RAPGEF5: variants seen among roughly 807,000 people sequenced by gnomAD.
RAPGEF5 encodes M-Ras-regulated GEF.
A neutral mutation model predicts 125.2 loss-of-function variants in RAPGEF5; 65 were observed. That is an observed-to-expected ratio of 0.52 (90% CI 0.43 to 0.64). The LOEUF (loss-of-function observed/expected upper bound fraction) is 0.64, where lower values mean the gene tolerates loss of function less well. Ranked by LOEUF, RAPGEF5 falls within the 30% of genes least tolerant of loss-of-function variation. The pLI, the probability that RAPGEF5 is intolerant of heterozygous loss-of-function variation, is 0.00. For missense variants in RAPGEF5, 958 were observed against 1,048.1 expected (o/e 0.91, Z 1.19); for synonymous variants, 391 against 385.9 (o/e 1.01, Z -0.16).
chr7:22,257,372 A>C (rs2128139537), intron 7 of RAPGEF5, among the ~76,000 whole-genome samples: 1 of 152,336 alleles, frequency 6.6e-6, no homozygotes, highest in South Asian at 2.1e-4. Context: ...TCTGCGTTTG[A>C]TCACCTCCTA....
chr7:22,128,792 G>C (rs555868690), intron 24 of RAPGEF5, among the ~76,000 whole-genome samples: 1 of 152,164 alleles, frequency 6.6e-6, no homozygotes, highest in Non-Finnish European at 1.5e-5. Flanking sequence ...CCTGCCTGAC[G>C]GGCTTGCGTG....
intron 6 of RAPGEF5, among the ~76,000 whole-genome samples, chr7:22,275,232 T>C (rs1782530313): frequency 6.6e-6 from 1 of 152,204 alleles, no homozygotes; most frequent in Non-Finnish European, 1.5e-5. Flanking sequence ...TTGTTTCAAT[T>C]ATAGCATGTA....
chr7:22,165,878 C>T (rs956922212), intron 12 of RAPGEF5, among the ~76,000 whole-genome samples: 25 of 151,760 alleles, frequency 1.6e-4, no homozygotes, highest in African/African-American at 2.4e-4. Flanking sequence ...AGCAGTAGCA[C>T]GGTCTCGGCT....
chr7:22,243,486 C>A (rs1429390694), intron 7 of RAPGEF5, among the ~76,000 whole-genome samples: 2 of 152,152 alleles, frequency 1.3e-5, no homozygotes. Flanking sequence ...GAACGCCTGA[C>A]CTCAGGTGAT....
chr7:22,223,480 T>G (rs913325752), intron 8 of RAPGEF5, among the ~76,000 whole-genome samples: 3 of 152,232 alleles, frequency 2.0e-5, no homozygotes, highest in Non-Finnish European at 4.4e-5. Flanking sequence ...AGGCATTAGC[T>G]GAAGAGTGTC....
chr7:22,130,278 T>G (rs970535730), intron 24 of RAPGEF5, among the ~76,000 whole-genome samples: 12 of 152,218 alleles, frequency 7.9e-5, no homozygotes, highest in Admixed American at 5.9e-4. Flanking sequence ...TATTTTACAG[T>G]TGCTCAGTTC....
At chr7:22,331,439 C>G in intron 1 of RAPGEF5, among the ~76,000 whole-genome samples, 1 of 152,162 alleles carries the variant, frequency 6.6e-6, no homozygotes. Context: ...AAGGTCAACA[C>G]CCCTTTAAAA....
At position 22,144,613 on chromosome 7, in the gene RAPGEF5, C is replaced by T. The variant is rs187086308; in HGVS notation, c.2186+431G>A. Among the ~76,000 whole-genome samples the T allele has an allele frequency of 1.4e-3, 210 of 152,294 alleles. 1 individual carries two copies. The highest frequency in any genetic ancestry group is 4.8e-3 in the African/African-American group (200 of 41,558). Reference sequence around the variant, plus strand: ...GTGGGGCCAGCCAGTGCAGGGCCTTCTAATGAACGAGTTCGCAAAAGTTCA... The same window carrying T: ...GTGGGGCCAGCCAGTGCAGGGCCTTTTAATGAACGAGTTCGCAAAAGTTCA... On this transcript the variant is annotated intron_variant, in intron 20 of 25. Coordinates refer to ENST00000665637, the MANE Select transcript of RAPGEF5 (RefSeq NM_012294.5).
chr7:22,141,154 G>C (rs1041571848), intron 20 of RAPGEF5, among the ~76,000 whole-genome samples: 1 of 152,046 alleles, frequency 6.6e-6, no homozygotes, highest in Admixed American at 6.5e-5. Flanking sequence ...ATCATTAACA[G>C]CTATGTAATA....
intron 3 of RAPGEF5, among the ~76,000 whole-genome samples, chr7:22,311,219 T>C (rs956630053): frequency 1.3e-5 from 2 of 152,124 alleles, no homozygotes; most frequent in Admixed American, 6.5e-5. Flanking sequence ...AGTTTTGCCA[T>C]GTTGCCCAGA....
At chr7:22,189,542 T>C (rs1583465254) in intron 11 of RAPGEF5, among the ~76,000 whole-genome samples, 2 of 152,284 alleles carry the variant, frequency 1.3e-5, no homozygotes, top group East Asian at 3.9e-4. Flanking sequence ...ACCTTCCTCG[T>C]AATTCTCTCA....
At chr7:22,310,929 T>A (rs1336184283) in intron 3 of RAPGEF5, among the ~76,000 whole-genome samples, 1 of 152,160 alleles carries the variant, frequency 6.6e-6, no homozygotes, top group African/African-American at 2.4e-5. Context: ...CAGATACATA[T>A]GAGCCTCAGG....
rs918093741 is a variant in RAPGEF5, at chr7:22,139,507, T to C, written c.2277+518A>G. 4.5e-4 allele frequency among the ~76,000 whole-genome samples: 68 copies of C among 152,240 alleles called. 1 individual carries two copies. The highest frequency in any genetic ancestry group is 2.0e-4 in the Admixed American group (3 of 15,290). Reference sequence around the variant, plus strand: ...GACCTTGTGCGAACTTGAGTGGGCCTCTGCATCTCAGAACCCAAACAGCCT... The same window carrying C: ...GACCTTGTGCGAACTTGAGTGGGCCCCTGCATCTCAGAACCCAAACAGCCT... On this transcript the variant is annotated intron_variant, in intron 21 of 25. Transcript: ENST00000665637.
intron 1 of RAPGEF5, among the ~76,000 whole-genome samples, chr7:22,345,121 G>A (rs537706122): frequency 6.6e-6 from 1 of 152,344 alleles, no homozygotes. Flanking sequence ...GGATTCTGAT[G>A]CAGGCTTCAG....
At chr7:22,122,558 G>C (rs1562698327) in intron 25 of RAPGEF5, 37 bp from the exon 26 acceptor site, 3 of 1,455,930 alleles carry the variant, frequency 2.1e-6, no homozygotes, top group South Asian at 1.1e-5. Context: ...AATCTCAGGA[G>C]AGCAGTAATG....
At chr7:22,171,391 T>C (rs530544124) in intron 11 of RAPGEF5, among the ~76,000 whole-genome samples, 101 of 152,380 alleles carry the variant, frequency 6.6e-4, no homozygotes, top group African/African-American at 2.4e-3. Context: ...ATAGTTGCCA[T>C]ACATATTAAC....
chr7:22,267,355 C>T (rs1260275453), intron 6 of RAPGEF5, among the ~76,000 whole-genome samples: 2 of 152,018 alleles, frequency 1.3e-5, no homozygotes, highest in Non-Finnish European at 2.9e-5. Context: ...TTAAAATATA[C>T]ATGATACCAT....
At chr7:22,238,553 T>C (rs1786248564) in intron 7 of RAPGEF5, among the ~76,000 whole-genome samples, 1 of 152,238 alleles carries the variant, frequency 6.6e-6, no homozygotes, top group South Asian at 2.1e-4. Context: ...TGTTAGGCCT[T>C]GAGCAATGAC....
intron 7 of RAPGEF5, among the ~76,000 whole-genome samples, chr7:22,239,730 C>A (rs1427089219): frequency 6.6e-6 from 1 of 151,898 alleles, no homozygotes; most frequent in Admixed American, 6.6e-5. Context: ...TACGTCCATT[C>A]AATGGAAAAG....
Sources: allele counts gnomAD v4.1 joint callset (sites outside exome capture counted in the v4.1 genomes callset), GRCh38; gene constraint gnomAD v4.1.1; transcripts MANE v1.5; gene names NCBI Gene and HGNC (gene_info 2026-07-23, HGNC 2026-07-21).